Variants in MEFV observed in about 807,000 individuals in gnomAD.
MEFV encodes pyrin.
A neutral mutation model predicts 62.5 loss-of-function variants in MEFV; 60 were observed. The ratio of observed to expected loss-of-function variants is 0.96; its 90% CI spans 0.78 to 1.19. The LOEUF (loss-of-function observed/expected upper bound fraction) is 1.19, where lower values mean the gene tolerates loss of function less well. Ranked by LOEUF, MEFV falls within the 50% of genes most tolerant of loss-of-function variation. The pLI, the probability that MEFV is intolerant of heterozygous loss-of-function variation, is 0.00. For missense variants in MEFV, 1,169 were observed against 1,004.5 expected, an observed-to-expected ratio of 1.16 and a Z score of -2.21; for synonymous variants, 500 against 415.2, an observed-to-expected ratio of 1.20 and a Z score of -2.48.
At chr16:3,245,053 G>A (rs531009568) in intron 6 of MEFV, among the ~76,000 whole-genome samples, 62 of 152,032 alleles carry the variant, frequency 4.1e-4, no homozygotes, top group African/African-American at 1.4e-3. Context: ...TCAGGAGGCC[G>A]GGGCAGTGGG....
At position 3,247,213 on chromosome 16, in the gene MEFV, T is replaced by G. The variant is rs747262548; in HGVS notation, c.1390A>C (p.Arg464=). The G allele has an allele frequency of 6.2e-7, 1 of 1,614,144 alleles. No individual in the cohort carries two copies. Among genetic ancestry groups the G allele is most frequent in the Non-Finnish European group, 8.5e-7 (1 of 1,180,034 alleles). ...AAGTAGTACACCTGCTCCAGCTTCC[T>G]CTGCACCCGCTGCTTCAGCGCTTCA... ...QTEALKQRVQ[R]KLEQVYYFLE... is the part of the protein sequence containing the mutation. The change falls in exon 5 of 10, where the codon AGG becomes CGG. Residue 464 remains arginine (R), a synonymous_variant. Coordinates refer to ENST00000219596, the MANE Select transcript of MEFV (RefSeq NM_000243.3).
chr16:3,244,167 T>C (rs1297573467), intron 8 of MEFV, 87 bp downstream of exon 8: 1 of 1,594,450 alleles, frequency 6.3e-7, no homozygotes, highest in Non-Finnish European at 8.6e-7. Context: ...TTTTTTTTTG[T>C]CTTCTAAATA....
In MEFV at chr16:3,249,467, C is replaced by G. The variant is rs1327270850; in HGVS notation, c.1224G>C (p.Arg408=). The G allele has an allele frequency of 6.2e-7, 1 of 1,614,086 alleles. No homozygotes were observed. Among genetic ancestry groups the G allele is most frequent in the Non-Finnish European group, 8.5e-7 (1 of 1,180,032 alleles). ...GGGCGACCTCCTCAATGGGGCGCAC[C>G]CGGTGGCCTTGGTGCTCCTGACTCA... The part of the protein sequence containing the change: ...CSLSQEHQGH[R]VRPIEEVALE... Residue 408 remains arginine, a synonymous_variant, in exon 3 of 10, where the codon CGG becomes CGC. Transcript: ENST00000219596.
intron 2 of MEFV, chr16:3,251,839 G>A (rs1959038089): frequency 6.2e-6 from 1 of 162,384 alleles, no homozygotes; most frequent in South Asian, 1.4e-4. Context: ...TTGTGAAGCT[G>A]TGCATATATG....
At chr16:3,244,110 G>T (rs773652402) in intron 8 of MEFV, 144 bp downstream of exon 8, 49 of 1,554,318 alleles carry the variant, frequency 3.2e-5, no homozygotes, top group Non-Finnish European at 4.3e-5. Context: ...CAGAGCCTGG[G>T]GGGCCTGCCA....
At chr16:3,247,535 T>A (rs1958961352) in intron 4 of MEFV, 4 of 417,682 alleles carry the variant, frequency 9.6e-6, no homozygotes, top group South Asian at 7.9e-5. Context: ...ACTCAGCATG[T>A]GATCTTATTT....
chr16:3,254,916 C>A lies in MEFV; in HGVS notation c.278-126G>T, dbSNP rs982143301. 14 of 1,486,382 alleles carry A rather than the reference C, an allele frequency of 9.4e-6. No individual in the cohort carries two copies. In the African/African-American group the frequency reaches 1.8e-4, roughly 19 times the overall value. 92.1% of individuals were successfully genotyped at this position (1,486,382 alleles called of 1,614,324 possible). On this transcript the variant is annotated intron_variant, in intron 1 of 9. Coordinates refer to ENST00000219596, the MANE Select transcript of MEFV (RefSeq NM_000243.3). ...AAATTGAGGAAAACAACGGGCCGGG[C>A]GCGGTGGCTCATGCCTGTATTCCCG... is the stretch of plus-strand genomic sequence containing the variant.
chr16:3,251,569 T>C (rs1423194251), intron 2 of MEFV, among the ~76,000 whole-genome samples: 5 of 152,216 alleles, frequency 3.3e-5, no homozygotes. Flanking sequence ...GTGTTTCTAT[T>C]ATTCACAACC....
chr16:3,245,634 C>CA (rs927096162), intron 6 of MEFV, among the ~76,000 whole-genome samples: 36 of 144,478 alleles, frequency 2.5e-4, no homozygotes, highest in African/African-American at 7.1e-4. Context: ...ACGCTGTCTT[C>CA]AAAAAAAAAG....
At chr16:3,255,626 C>T (rs1959106015) in intron 1 of MEFV, among the ~76,000 whole-genome samples, 1 of 151,870 alleles carries the variant, frequency 6.6e-6, no homozygotes, top group Non-Finnish European at 1.5e-5. Context: ...AAGCTGGTCT[C>T]AAACTCCTGA....
chr16:3,255,242 G>A (rs1017202536), intron 1 of MEFV, among the ~76,000 whole-genome samples: 8 of 151,572 alleles, frequency 5.3e-5, no homozygotes, highest in Non-Finnish European at 5.9e-5. Context: ...GCTTGAGCCC[G>A]GGATGTGGAG....
In MEFV at chr16:3,249,012, A is replaced by C; in HGVS notation, c.1261-8T>G. 6.2e-7 allele frequency: 1 copy of C among 1,613,940 alleles called. No individual in the cohort carries two copies. The highest frequency in any genetic ancestry group is 8.5e-7 in the Non-Finnish European group (1 of 1,179,920). The stretch of plus-strand genomic sequence containing the variant: ...CTGCTTCTGAATTTTCTTCTGGAAA[A>C]ACAGCACTTGTTGAAAAGCTTGAAT... On this transcript the variant is annotated splice_region_variant and splice_polypyrimidine_tract_variant and intron_variant, in intron 3 of 9. Transcript: ENST00000219596.
In MEFV at chr16:3,243,833, G is replaced by C. The variant is rs1488938736; in HGVS notation, c.1792+27C>G. ...GAGCACAGGGATCCAGCAGGCCAGGGCCACTTGCCTTGATCTGGGCACTTA... is the reference window on the plus strand; with the variant it reads ...GAGCACAGGGATCCAGCAGGCCAGGCCCACTTGCCTTGATCTGGGCACTTA... On this transcript the variant is annotated intron_variant, in intron 9 of 9. Coordinates refer to ENST00000219596, the MANE Select transcript of MEFV (RefSeq NM_000243.3). 2.5e-6 allele frequency: 4 copies of C among 1,612,558 alleles called. No individual in the cohort carries two copies. The African/African-American group carries it at 5.3e-5, about 22-fold the overall frequency.
chr16:3,248,872 C>T (rs1567234151), intron 4 of MEFV, 37 bp downstream of exon 4: 1 of 1,612,540 alleles, frequency 6.2e-7, no homozygotes, highest in Non-Finnish European at 8.5e-7. Context: ...ACCTTCCTCC[C>T]AGGGACGGAT....
chr16:3,251,010 A>T (rs1195558276), intron 2 of MEFV, among the ~76,000 whole-genome samples: 1 of 140,348 alleles, frequency 7.1e-6, no homozygotes, highest in Non-Finnish European at 1.5e-5. Context: ...GGTGACCAAG[A>T]GAGACTCCAT....
rs757933176 is a variant in MEFV at position 3,256,424 on chromosome 16, G to A, written c.164C>T (p.Thr55Ile). The A allele has an allele frequency of 2.5e-6, 4 of 1,614,254 alleles. No homozygotes were observed. The highest frequency in any genetic ancestry group is 1.1e-5 in the South Asian group (1 of 91,090). ...IQRARPVKMATLLVTYYGEEY... is the reference protein window; with the variant it reads ...IQRARPVKMAILLVTYYGEEY... The stretch of plus-strand genomic sequence containing the variant: ...TTCCCCATAGTAGGTGACCAGCAGA[G>A]TGGCCATCTTCACCGGCCTGGCTCT... Residue 55 changes from threonine to isoleucine, a missense_variant, in exon 1 of 10, where the codon ACT (threonine) becomes ATT (isoleucine). Thr to Ile is a moderately conservative substitution (Grantham distance 89). Transcript: ENST00000219596.
chr16:3,249,531 CAGAAGAGCAGCTG>C lies in MEFV; in HGVS notation c.1147_1159del (p.Gln383ValfsTer14). 1 of 1,614,212 alleles carries C rather than the reference CAGAAGAGCAGCTG, an allele frequency of 6.2e-7. No homozygotes were observed. The highest frequency in any genetic ancestry group is 8.5e-7 in the Non-Finnish European group (1 of 1,180,032). On this transcript the variant is annotated frameshift_variant, in exon 3 of 10. Coordinates refer to ENST00000219596, the MANE Select transcript of MEFV (RefSeq NM_000243.3). LOFTEE classifies it high-confidence loss of function. ...GCAGATGGGCTCATCGTGATCCTCA[CAGAAGAGCAGCTG>C]GACCTGCTTCAGGTGGCGCTTACAC...
rs1958952238 is a variant in MEFV at position 3,247,027 on chromosome 16, C to T, written c.1576G>A (p.Glu526Lys). Residue 526 changes from glutamate (E) to lysine (K), a missense_variant, in exon 5 of 10, where the codon GAA (glutamate) becomes AAA (lysine). Glu to Lys is a moderately conservative substitution (Grantham distance 56). Transcript: ENST00000219596. ...CCAGGCACACCCACCTGCAGAAGTTCCCATTCTGACTGGCACTCCTTGGCC... is the reference window on the plus strand; with the variant it reads ...CCAGGCACACCCACCTGCAGAAGTTTCCATTCTGACTGGCACTCCTTGGCC... ...LEAKECQSEWELLQDIGDILH... is the reference protein window; with the variant it reads ...LEAKECQSEWKLLQDIGDILH... 2.5e-6 allele frequency: 4 copies of T among 1,614,064 alleles called. No individual in the cohort carries two copies. Among genetic ancestry groups the T allele is most frequent in the Non-Finnish European group, 3.4e-6 (4 of 1,180,026 alleles).
chr16:3,251,240 C>T (rs1959028310), intron 2 of MEFV, among the ~76,000 whole-genome samples: 1 of 152,102 alleles, frequency 6.6e-6, no homozygotes, highest in South Asian at 2.1e-4. Flanking sequence ...AAATGCCCTG[C>T]ATTTCTCAGC....
Sources: allele counts gnomAD v4.1 joint callset (sites outside exome capture counted in the v4.1 genomes callset), GRCh38; gene constraint gnomAD v4.1.1; transcripts MANE v1.5; gene names NCBI Gene and HGNC (gene_info 2026-07-23, HGNC 2026-07-21).